Variants in NGLY1 observed in about 807,000 individuals in gnomAD.
NGLY1 encodes the protein N-glycanase 1.
Under a neutral mutation model 84.6 loss-of-function variants are expected in NGLY1, and 68 were observed. That is an observed-to-expected ratio of 0.80 (90% CI 0.66 to 0.98). NGLY1 has a LOEUF of 0.98. Among genes scored for constraint, NGLY1 ranks in the 50% least tolerant of loss-of-function variants. NGLY1 has a pLI of 0.00. For synonymous variants in NGLY1, 280 were observed against 275.2 expected (o/e 1.02, Z -0.17); for missense variants, 779 against 770.2 (o/e 1.01, Z -0.14).
chr3:25,755,174 T>C, intron 3 of NGLY1: 1 of 1,280,386 alleles, frequency 7.8e-7, no homozygotes, highest in Non-Finnish European at 1.1e-6. Flanking sequence ...TCTTTTTACC[T>C]CTCTTCCCCC....
intron 10 of NGLY1, among the ~76,000 whole-genome samples, chr3:25,723,077 CAA>C (rs1559527604): frequency 2.0e-5 from 3 of 152,140 alleles, no homozygotes; most frequent in African/African-American, 7.2e-5. Flanking sequence ...AAATGTCCCT[CAA>C]AAGTGTGGGT....
chr3:25,739,276 C>A (rs1203197243), intron 5 of NGLY1, among the ~76,000 whole-genome samples: 2 of 152,158 alleles, frequency 1.3e-5, no homozygotes, highest in Admixed American at 6.5e-5. Context: ...CTATAAAAGA[C>A]AGATGGTGAA....
intron 9 of NGLY1, chr3:25,730,211 C>G (rs1575612848): frequency 6.6e-6 from 1 of 151,960 alleles, no homozygotes; most frequent in South Asian, 2.1e-4. Context: ...TAAAATAAAA[C>G]TTTTCTTTCT....
chr3:25,779,404 A>T (rs971228897), intron 1 of NGLY1, among the ~76,000 whole-genome samples: 3 of 152,250 alleles, frequency 2.0e-5, no homozygotes, highest in Non-Finnish European at 2.9e-5. Context: ...TTTAAAAAAA[A>T]TTAAAAGAAT....
intron 3 of NGLY1, among the ~76,000 whole-genome samples, chr3:25,753,387 T>C (rs1404132495): frequency 1.3e-5 from 2 of 148,820 alleles, no homozygotes; most frequent in Non-Finnish European, 3.0e-5. Context: ...AAATCCTATC[T>C]AAAAGAATTA....
At chr3:25,734,570 G>C (rs1295766812) in intron 7 of NGLY1, 1 of 156,514 alleles carries the variant, frequency 6.4e-6, no homozygotes, top group Non-Finnish European at 1.4e-5. Flanking sequence ...AAATTAGCCA[G>C]GTGTGGTGGC....
At chr3:25,789,746 A>C (rs1259389300) in intron 1 of NGLY1, 1 of 1,258,704 alleles carries the variant, frequency 7.9e-7, no homozygotes, top group East Asian at 2.5e-5. Context: ...GAATTTCCTT[A>C]ATTCTTTCTT....
At chr3:25,741,130 TA>T (rs376282084) in intron 4 of NGLY1, among the ~76,000 whole-genome samples, 1,375 of 105,620 alleles carry the variant, frequency 0.013, 18 homozygotes, top group African/African-American at 0.038. Flanking sequence ...TCTGTCTCAT[TA>T]AAAAAAAAAA....
At chr3:25,749,662 T>C in intron 4 of NGLY1, 1 of 1,506,524 alleles carries the variant, frequency 6.6e-7, no homozygotes, top group Non-Finnish European at 9.1e-7. Context: ...TGCCCAACAT[T>C]AGTTATGGGA....
chr3:25,782,979 C>A, intron 1 of NGLY1: 1 of 382,836 alleles, frequency 2.6e-6, no homozygotes, highest in South Asian at 3.2e-5. Flanking sequence ...TCCGCCCGGC[C>A]CCGCTTCCGG....
Position 25,783,124 on chromosome 3 carries a change from G to T in NGLY1, c.131+136C>A. Reference sequence around the variant, plus strand: ...CCGGCGGGCTCGGACGTTAGGAGCAGAACCAGCTCCAGGTCCCGGTCTGTC... The same window carrying T: ...CCGGCGGGCTCGGACGTTAGGAGCATAACCAGCTCCAGGTCCCGGTCTGTC... On this transcript the variant is annotated intron_variant, in intron 1 of 11. Transcript: ENST00000280700. This position sits in a 1 kb window ranked among gnomAD's most constrained non-coding sequence, Gnocchi z 4.5. 2.5e-6 allele frequency: 2 copies of T among 794,612 alleles called. No homozygotes were observed. Among genetic ancestry groups the T allele is most frequent in the Non-Finnish European group, 3.9e-6 (2 of 513,982 alleles). The allele number at this position is 794,612 out of a possible 1,614,324, so 49.2% of individuals were successfully genotyped here. A position where few individuals can be genotyped will look rare whatever the true frequency, so the allele number is the denominator to read the frequency against.
chr3:25,720,046 C>A lies in NGLY1; in HGVS notation c.1757G>T (p.Arg586Leu), dbSNP rs376913179. The A allele has an allele frequency of 3.1e-6, 5 of 1,613,216 alleles. No individual in the cohort carries two copies. Among genetic ancestry groups the A allele is most frequent in the South Asian group, 2.2e-5 (2 of 90,962 alleles). The change falls in exon 11 of 12, where the codon CGA becomes CTA. Residue 586 changes from arginine to leucine, a missense_variant. Coordinates refer to ENST00000280700, the MANE Select transcript of NGLY1 (RefSeq NM_018297.4). ...CAGTTCTACTTGTGCTGTATCAGAT[C>A]GCAATTTCCATTCTACTGTTCCAGT... is the stretch of plus-strand genomic sequence containing the variant. ...FQTGTVEWKL[R>L]SDTAQVELTG...
intron 1 of NGLY1, among the ~76,000 whole-genome samples, chr3:25,781,526 A>G (rs1446959895): frequency 6.6e-6 from 1 of 152,092 alleles, no homozygotes; most frequent in African/African-American, 2.4e-5. Context: ...ACGCACAAAG[A>G]CTTTCTTAAA....
chr3:25,758,808 CAAT>C (rs1707167930), intron 3 of NGLY1, among the ~76,000 whole-genome samples: 1 of 152,048 alleles, frequency 6.6e-6, no homozygotes, highest in Non-Finnish European at 1.5e-5. Flanking sequence ...AAAGATGCAA[CAAT>C]GAGTACTGGG....
At chr3:25,778,718 T>G in intron 1 of NGLY1, 30 bp from the exon 2 acceptor site, 1 of 1,392,478 alleles carries the variant, frequency 7.2e-7, no homozygotes, top group Non-Finnish European at 1.0e-6. Flanking sequence ...TGATTATATA[T>G]AAAAAAAACC....
chr3:25,741,476 A>C (rs1190465425), intron 4 of NGLY1, among the ~76,000 whole-genome samples: 1 of 152,188 alleles, frequency 6.6e-6, no homozygotes, highest in Non-Finnish European at 1.5e-5. Context: ...CATTAAAAAA[A>C]AACTTTCTCT....
chr3:25,723,273 C>G (rs1283735261), intron 10 of NGLY1, among the ~76,000 whole-genome samples: 2 of 152,270 alleles, frequency 1.3e-5, no homozygotes, highest in East Asian at 1.9e-4. Context: ...GTCCTAAAGG[C>G]ATCATCAGCT....
intron 2 of NGLY1, among the ~76,000 whole-genome samples, chr3:25,775,656 TAAAG>T (rs1196306929): frequency 1.3e-5 from 2 of 151,980 alleles, no homozygotes; most frequent in Non-Finnish European, 2.9e-5. Flanking sequence ...TTTAAAAAAA[TAAAG>T]AAGAGTGGAA....
rs374542603 is a variant in NGLY1 at position 25,736,142 on chromosome 3, G to C, written c.1011C>G (p.Val337=). ...GAGAAGGAGAATAGACTTCTGTCCA[G>C]ACATGGTCTACTCAAGTAAGAGAAA... The part of the protein sequence containing the change: ...ARYVWDYTDH[V]WTEVYSPSQQ... Residue 337 remains valine (V), a synonymous_variant, in exon 7 of 12, where the codon GTC becomes GTG. Transcript: ENST00000280700. The C allele has an allele frequency of 2.5e-6, 4 of 1,612,074 alleles. No individual in the cohort carries two copies. The African/African-American group carries it at 5.4e-5, about 22-fold the overall frequency.
Sources: allele counts gnomAD v4.1 joint callset (sites outside exome capture counted in the v4.1 genomes callset), GRCh38; gene constraint gnomAD v4.1.1; non-coding constraint Gnocchi (gnomAD v3.1); transcripts MANE v1.5; gene names NCBI Gene and HGNC (gene_info 2026-07-23, HGNC 2026-07-21).